CEP162: variants seen among roughly 807,000 people sequenced by gnomAD.
CEP162 encodes centrosomal protein of 162 kDa.
In CEP162, 141 loss-of-function variants were observed where a neutral mutation model predicts 169.2. That is an observed-to-expected ratio of 0.83 (90% CI 0.73 to 0.96). The LOEUF is 0.96. CEP162 is among the 40% of genes least tolerant of loss of function. The probability of loss-of-function intolerance (pLI) is 0.00; values close to 1 mark genes in which losing one functional copy is unlikely to be tolerated. For synonymous variants in CEP162, 540 were observed against 526.4 expected (o/e 1.03, Z -0.35); for missense variants, 1,600 against 1,587.2 (o/e 1.01, Z -0.14).
intron 18 of CEP162, among the ~76,000 whole-genome samples, chr6:84,167,301 C>T (rs2099528199): frequency 6.6e-6 from 1 of 152,182 alleles, no homozygotes; most frequent in Non-Finnish European, 1.5e-5. Context: ...TGATCATCTA[C>T]TTAATTCTAC....
intron 2 of CEP162, among the ~76,000 whole-genome samples, chr6:84,225,427 A>C (rs1345456048): frequency 6.6e-6 from 1 of 152,214 alleles, no homozygotes; most frequent in Admixed American, 6.5e-5. Flanking sequence ...GATTAAAAAG[A>C]TACACCTTTA....
intron 25 of CEP162, among the ~76,000 whole-genome samples, chr6:84,129,430 T>C (rs111339077): frequency 0.044 from 6,678 of 152,304 alleles, 476 homozygotes; most frequent in African/African-American, 0.15. Context: ...TGCATTTCTC[T>C]AATGACCAGC....
intron 5 of CEP162, among the ~76,000 whole-genome samples, chr6:84,213,305 T>C (rs1215456325): frequency 2.0e-5 from 3 of 152,206 alleles, no homozygotes; most frequent in Non-Finnish European, 4.4e-5. Context: ...CATTTACATG[T>C]ACAAATATTA....
rs144328047 is a variant in CEP162, at chr6:84,153,087, C to A, written c.3087G>T (p.Lys1029Asn). ...GGGCTTCCTTGATGTCATCAAGTTC[C>A]TTCTCTAGGGCTTTAATTCTGGGAG... ...HDSPRIKALE[K>N]ELDDIKEAHQ... is the part of the protein sequence containing the mutation. Residue 1029 changes from lysine to asparagine, a missense_variant, in exon 23 of 27, where the codon AAG becomes AAT. Transcript: ENST00000403245. The A allele has an allele frequency of 3.7e-4, 595 of 1,613,276 alleles. No homozygotes were observed. In the African/African-American group the frequency reaches 7.1e-3, roughly 19 times the overall value.
chr6:84,130,539 G>C (rs2099510906), intron 25 of CEP162, among the ~76,000 whole-genome samples: 1 of 152,148 alleles, frequency 6.6e-6, no homozygotes, highest in South Asian at 2.1e-4. Context: ...TTCAGAACTT[G>C]TTATTGGTCT....
chr6:84,175,525 T>C (rs1482422674), intron 13 of CEP162, among the ~76,000 whole-genome samples, 178 bp from the exon 14 acceptor site: 2 of 152,206 alleles, frequency 1.3e-5, no homozygotes, highest in African/African-American at 2.4e-5. Context: ...TCAGAAAGAT[T>C]GCCACTCCAT....
At chr6:84,204,790 G>A (rs562402776) in intron 6 of CEP162, among the ~76,000 whole-genome samples, 49 of 152,232 alleles carry the variant, frequency 3.2e-4, no homozygotes, top group African/African-American at 1.1e-3. Context: ...GAATCCAGGA[G>A]CTGGTTTTTT....
chr6:84,214,224 A>C (rs1185331683), intron 5 of CEP162, among the ~76,000 whole-genome samples: 1 of 152,208 alleles, frequency 6.6e-6, no homozygotes, highest in Non-Finnish European at 1.5e-5. Context: ...GCTTGCAGTG[A>C]GCCAAGATCG....
chr6:84,134,474 C>T (rs866042788), intron 25 of CEP162, among the ~76,000 whole-genome samples: 7 of 152,162 alleles, frequency 4.6e-5, no homozygotes, highest in African/African-American at 1.2e-4. Flanking sequence ...GCCCTGGTGG[C>T]GTAGGCACCC....
chr6:84,179,695 T>C (rs1032181864), intron 13 of CEP162, among the ~76,000 whole-genome samples: 2 of 152,146 alleles, frequency 1.3e-5, no homozygotes, highest in Admixed American at 6.5e-5. Context: ...CAAACTACCA[T>C]CAGAGAATAT....
At chr6:84,194,135 A>G (rs940579111) in intron 10 of CEP162, among the ~76,000 whole-genome samples, 6 of 152,106 alleles carry the variant, frequency 3.9e-5, no homozygotes, top group Non-Finnish European at 8.8e-5. Flanking sequence ...CAGGTGGATC[A>G]CCTGAGGTCA....
At chr6:84,183,423 GT>G (rs2099535758) in intron 13 of CEP162, among the ~76,000 whole-genome samples, 1 of 152,074 alleles carries the variant, frequency 6.6e-6, no homozygotes. Context: ...CATTGGCATA[GT>G]TTAGGTCTTT....
intron 25 of CEP162, among the ~76,000 whole-genome samples, chr6:84,137,998 T>C (rs2099514888): frequency 6.6e-6 from 1 of 152,236 alleles, no homozygotes. Context: ...AAACATCCTT[T>C]CAGATTTCTA....
At chr6:84,179,115 A>G (rs1179709488) in intron 13 of CEP162, among the ~76,000 whole-genome samples, 1 of 152,216 alleles carries the variant, frequency 6.6e-6, no homozygotes, top group Non-Finnish European at 1.5e-5. Context: ...GTGCCGCAAT[A>G]AACATACATG....
At position 84,149,681 on chromosome 6, in the gene CEP162, G is replaced by A; in HGVS notation, c.3652C>T (p.His1218Tyr). ...TGAGATGCTTTGAGGGATGCAATGT[G>A]TGCTGCAGTATCTTCCTTGACCCTA... The part of the protein sequence containing the change: ...MRRVKEDTAA[H>Y]IASLKASHQR... The change falls in exon 24 of 27, where the codon CAC (histidine) becomes TAC (tyrosine). Residue 1218 changes from histidine (H) to tyrosine (Y), a missense_variant. By Grantham distance (83) the His-to-Tyr change is moderately conservative. Coordinates refer to ENST00000403245, the MANE Select transcript of CEP162 (RefSeq NM_014895.4). 6.4e-7 allele frequency: 1 copy of A among 1,565,730 alleles called. No homozygotes were observed. Among genetic ancestry groups the A allele is most frequent in the Admixed American group, 1.8e-5 (1 of 54,230 alleles).
intron 2 of CEP162, among the ~76,000 whole-genome samples, chr6:84,226,045 G>GTT (rs540667501): frequency 4.7e-5 from 7 of 147,456 alleles, no homozygotes; most frequent in African/African-American, 1.7e-4. Flanking sequence ...GGAGTTGTTT[G>GTT]TTTTTTTTTT....
At chr6:84,190,537 C>T (rs921104254) in intron 11 of CEP162, among the ~76,000 whole-genome samples, 5 of 152,176 alleles carry the variant, frequency 3.3e-5, no homozygotes, top group African/African-American at 1.2e-4. Flanking sequence ...TGCAGCTTCA[C>T]TCCTGAGCCC....
At chr6:84,187,803 T>C (rs980458868) in intron 11 of CEP162, among the ~76,000 whole-genome samples, 2 of 152,074 alleles carry the variant, frequency 1.3e-5, no homozygotes, top group African/African-American at 2.4e-5. Context: ...CTAAGAGAAA[T>C]GACTGGAAAG....
At position 84,152,972 on chromosome 6, in the gene CEP162, C is replaced by T; in HGVS notation, c.3202G>A (p.Asp1068Asn). 1 of 1,613,558 alleles carries T rather than the reference C, an allele frequency of 6.2e-7. No homozygotes were observed. The highest frequency in any genetic ancestry group is 1.1e-5 in the South Asian group (1 of 91,052). The change falls in exon 23 of 27, where the codon GAT (aspartate) becomes AAT (asparagine). Residue 1068 changes from aspartate to asparagine, a missense_variant. Coordinates refer to ENST00000403245, the MANE Select transcript of CEP162 (RefSeq NM_014895.4). ...ELDVKKNDKD[D>N]EDFQSIEFQV... is the part of the protein sequence containing the mutation. ...AATTCTATAGACTGAAAATCTTCAT[C>T]ATCTTTATCATTTTTCTTGACGTCT...
Sources: gnomAD v4.1 joint callset for allele counts (sites outside exome capture counted in the v4.1 genomes callset) on GRCh38, gnomAD v4.1.1 for gene constraint, MANE v1.5 for transcripts, NCBI Gene and HGNC (gene_info 2026-07-23, HGNC 2026-07-21) for gene names.